The following FLNB variants were observed in gnomAD, a reference collection of about 807,000 sequenced individuals.
The protein encoded by FLNB is filamin-B.
In FLNB, 111 loss-of-function variants were observed where a neutral mutation model predicts 250.6. That is an observed-to-expected ratio of 0.44 (90% CI 0.38 to 0.52). The LOEUF (loss-of-function observed/expected upper bound fraction) is 0.52, where lower values mean the gene tolerates loss of function less well. Among genes scored for constraint, FLNB ranks in the 20% least tolerant of loss-of-function variants. The pLI, the probability that FLNB is intolerant of heterozygous loss-of-function variation, is 0.00. For missense variants in FLNB, 2,869 were observed against 3,447.8 expected (o/e 0.83, Z 4.20); for synonymous variants, 1,302 against 1,372.1 (o/e 0.95, Z 1.13).
chr3:58,027,450 T>A (rs1461309854), intron 1 of FLNB, among the ~76,000 whole-genome samples: 2 of 151,996 alleles, frequency 1.3e-5, no homozygotes, highest in East Asian at 1.9e-4. Context: ...CTCAGCTAAC[T>A]TTTGTATTTT....
At chr3:58,114,781 G>A (rs2097275078) in intron 18 of FLNB, among the ~76,000 whole-genome samples, 1 of 151,268 alleles carries the variant, frequency 6.6e-6, no homozygotes, top group Admixed American at 6.6e-5. Flanking sequence ...TCTTATTGTG[G>A]TTTTGATTTG....
chr3:58,040,563 C>A (rs549986568), intron 1 of FLNB, among the ~76,000 whole-genome samples: 3 of 152,188 alleles, frequency 2.0e-5, no homozygotes, highest in Non-Finnish European at 4.4e-5. Flanking sequence ...GGCCTGATCT[C>A]GGCTCACTGC....
rs141978875 is a variant in FLNB at position 58,090,229 on chromosome 3, A to C, written c.788-4607A>C. On this transcript the variant is annotated intron_variant, in intron 4 of 45. Transcript: ENST00000295956. ...TCATTATCACTATCTTCCACCTCCA[A>C]ATCCTGTCCCACTGTCCCACTGGTA... Among the ~76,000 whole-genome samples the C allele has an allele frequency of 5.7e-3, 867 of 152,074 alleles. 10 individuals are homozygous for C. The highest frequency in any genetic ancestry group is 0.02 in the African/African-American group (817 of 41,456).
chr3:58,129,104 G>T (rs924874670), intron 24 of FLNB, among the ~76,000 whole-genome samples: 2 of 152,186 alleles, frequency 1.3e-5, no homozygotes, highest in Non-Finnish European at 1.5e-5. Context: ...TTAAATATTA[G>T]CCTAGTTTTT....
intron 18 of FLNB, among the ~76,000 whole-genome samples, chr3:58,116,793 C>T (rs1020876487): frequency 1.3e-5 from 2 of 152,240 alleles, no homozygotes; most frequent in African/African-American, 2.4e-5. Flanking sequence ...CGTTCCCCTG[C>T]GCAGAGCAGT....
intron 1 of FLNB, among the ~76,000 whole-genome samples, chr3:58,038,426 T>C (rs2106788670): frequency 6.7e-6 from 1 of 149,846 alleles, no homozygotes; most frequent in Admixed American, 6.6e-5. Flanking sequence ...ATCTGATTGT[T>C]TGTGAATTGA....
In FLNB at chr3:58,037,125, C is replaced by T. The variant is rs1394450403; in HGVS notation, c.292+28269C>T. Reference sequence around the variant, plus strand: ...TATCACCCTGGCTGGAGTGCAGTGGCACCATCTCAGCTCACTGCAACCTCC... The same window carrying T: ...TATCACCCTGGCTGGAGTGCAGTGGTACCATCTCAGCTCACTGCAACCTCC... On this transcript the variant is annotated intron_variant, in intron 1 of 45. Transcript: ENST00000295956. Among the ~76,000 whole-genome samples the T allele has an allele frequency of 3.6e-5, 5 of 140,654 alleles. No individual in the cohort carries two copies. The East Asian group carries it at 8.8e-4, about 25-fold the overall frequency. 92.3% of individuals were successfully genotyped at this position (140,654 alleles called of 152,430 possible).
At chr3:58,097,412 G>A (rs1434170684) in intron 6 of FLNB, among the ~76,000 whole-genome samples, 1 of 152,134 alleles carries the variant, frequency 6.6e-6, no homozygotes, top group Non-Finnish European at 1.5e-5. Context: ...ATGTATCTAA[G>A]AATGATTTTC....
At chr3:58,146,139 A>G (rs1178340373) in intron 33 of FLNB, 90 bp downstream of exon 33, 1 of 1,369,582 alleles carries the variant, frequency 7.3e-7, no homozygotes, top group Non-Finnish European at 1.0e-6. Context: ...TAAAAGTGAG[A>G]CAATCGAATG....
At chr3:58,018,182 C>G (rs1212795932) in intron 1 of FLNB, among the ~76,000 whole-genome samples, 2 of 151,904 alleles carry the variant, frequency 1.3e-5, no homozygotes, top group East Asian at 3.9e-4. Flanking sequence ...GTGAACTCTG[C>G]AAAACTAGTG....
chr3:58,098,876 C>G lies in FLNB; in HGVS notation c.1313C>G (p.Pro438Arg). The stretch of plus-strand genomic sequence containing the variant: ...ATCTTCTTTGCTGGGGACACTATTC[C>G]TAAGAGTCCCTTCGTTGTGCAGGTT... ...VKIFFAGDTIPKSPFVVQVGE... is the reference protein window; with the variant it reads ...VKIFFAGDTIRKSPFVVQVGE... Residue 438 changes from proline to arginine, a missense_variant, in exon 8 of 46, where the codon CCT becomes CGT. Pro to Arg is a moderately radical substitution (Grantham distance 103). Coordinates refer to ENST00000295956, the MANE Select transcript of FLNB (RefSeq NM_001457.4). 6 of 1,614,094 alleles carry G rather than the reference C, an allele frequency of 3.7e-6. No individual in the cohort carries two copies. The highest frequency in any genetic ancestry group is 5.1e-6 in the Non-Finnish European group (6 of 1,179,976).
At chr3:58,138,689 A>G (rs2097320846) in intron 29 of FLNB, among the ~76,000 whole-genome samples, 160 bp downstream of exon 29, 1 of 152,178 alleles carries the variant, frequency 6.6e-6, no homozygotes, top group African/African-American at 2.4e-5. Context: ...AGTAATCTCT[A>G]GAAACTCAGA....
intron 4 of FLNB, among the ~76,000 whole-genome samples, chr3:58,086,853 G>T (rs1041236892): frequency 1.3e-5 from 2 of 152,198 alleles, no homozygotes; most frequent in African/African-American, 4.8e-5. Flanking sequence ...GGTGGCTCAC[G>T]CCTGTAATCC....
chr3:58,171,905 T>C lies in FLNB; in HGVS notation c.*1143T>C, dbSNP rs2097383031. On this transcript the variant is annotated 3_prime_UTR_variant, in exon 46 of 46. Transcript: ENST00000295956. The surrounding 1 kb of genome is among the most constrained non-coding windows in gnomAD (Gnocchi z 5.5). ...GCTGTGTGGTGCAGAAATCCAGAAA[T>C]GAGGTGTAGGGAATTTTGCCTGCCT... 2 of 152,296 alleles carry C rather than the reference T, an allele frequency of 1.3e-5. No homozygotes were observed. The highest frequency in any genetic ancestry group is 4.1e-4 in the South Asian group (2 of 4,824). 9.4% of individuals were successfully genotyped at this position (152,296 alleles called of 1,614,324 possible). A position where few individuals can be genotyped will look rare whatever the true frequency, so the allele number is the denominator to read the frequency against.
Position 58,110,104 on chromosome 3 carries a change from G to T in FLNB, c.2418G>T (p.Thr806=), listed in dbSNP as rs778108689. ...ACATTATTCACAATGCCAATGATAC[G>T]TTCACAGTCAAATATGTGCCTCCTG... ...DFDIIHNAND[T]FTVKYVPPAA... The change falls in exon 16 of 46, where the codon ACG becomes ACT. Residue 806 remains threonine, a synonymous_variant. Coordinates refer to ENST00000295956, the MANE Select transcript of FLNB (RefSeq NM_001457.4). The T allele has an allele frequency of 6.2e-7, 1 of 1,614,006 alleles. No homozygotes were observed. Among genetic ancestry groups the T allele is most frequent in the Non-Finnish European group, 8.5e-7 (1 of 1,180,032 alleles).
At chr3:58,082,895 T>C (rs2097211237) in intron 4 of FLNB, among the ~76,000 whole-genome samples, 1 of 152,230 alleles carries the variant, frequency 6.6e-6, no homozygotes, top group Non-Finnish European at 1.5e-5. Context: ...AGTTTTCTCT[T>C]GCCCTTTGTG....
In FLNB at chr3:58,123,119, A is replaced by T. The variant is rs1010340575; in HGVS notation, c.3153A>T (p.Glu1051Asp). The change falls in exon 21 of 46, where the codon GAA becomes GAT. Residue 1051 changes from glutamate to aspartate, a missense_variant. This residue lies in a region of FLNB where 1,348 missense variants were observed against 1,466.7 expected (regional missense o/e 0.92). Coordinates refer to ENST00000295956, the MANE Select transcript of FLNB (RefSeq NM_001457.4). ...TGAAGGCCCACGGTCCCGGCCTCGA[A>T]GGTGGTCTCGTGGGCAAGCCTGCCG... ...SKVKAHGPGL[E>D]GGLVGKPAEF... 6.2e-7 allele frequency: 1 copy of T among 1,614,082 alleles called. No homozygotes were observed. Among genetic ancestry groups the T allele is most frequent in the African/African-American group, 1.3e-5 (1 of 74,926 alleles).
In FLNB at chr3:58,171,776, A is replaced by G. The variant is rs961554386; in HGVS notation, c.*1014A>G. The G allele has an allele frequency of 2.0e-5, 3 of 152,416 alleles. No homozygotes were observed. Among genetic ancestry groups the G allele is most frequent in the Non-Finnish European group, 2.9e-5 (2 of 68,180 alleles). The allele number at this position is 152,416 out of a possible 1,614,324, so 9.4% of individuals were successfully genotyped here. A position where few individuals can be genotyped will look rare whatever the true frequency, so the allele number is the denominator to read the frequency against. ...ATAATGATCTGTACAGACAGGACAG[A>G]ATGAAACTCCTGCGGGTCTTTGGCC... On this transcript the variant is annotated 3_prime_UTR_variant, in exon 46 of 46. Coordinates refer to ENST00000295956, the MANE Select transcript of FLNB (RefSeq NM_001457.4). This position sits in a 1 kb window ranked among gnomAD's most constrained non-coding sequence, Gnocchi z 5.5.
intron 38 of FLNB, among the ~76,000 whole-genome samples, chr3:58,151,872 C>T (rs949629339): frequency 1.6e-4 from 25 of 152,176 alleles, no homozygotes; most frequent in East Asian, 1.9e-4. Context: ...CTTGGCAGAC[C>T]GCCCTCCACA....
Sources: gnomAD v4.1 joint callset for allele counts (sites outside exome capture counted in the v4.1 genomes callset) on GRCh38, gnomAD v4.1.1 for gene constraint, gnomAD v4.1.1 regional missense constraint, Gnocchi (gnomAD v3.1) non-coding constraint, MANE v1.5 for transcripts, NCBI Gene and HGNC (gene_info 2026-07-23, HGNC 2026-07-21) for gene names.